Variants in CDH13 observed in about 807,000 individuals in gnomAD.
The protein encoded by CDH13 is cadherin 13, also known as cadherin-13.
Under a neutral mutation model 63.8 loss-of-function variants are expected in CDH13, and 24 were observed. The observed-to-expected ratio is 0.38, with a 90% confidence interval of 0.27 to 0.53. CDH13 has a LOEUF of 0.53. Ranked by LOEUF, CDH13 falls within the 20% of genes least tolerant of loss-of-function variation. CDH13 has a pLI of 0.85. For synonymous variants in CDH13, 503 were observed against 355.3 expected, an observed-to-expected ratio of 1.42 and a Z score of -4.67; for missense variants, 1,049 against 903.1, an observed-to-expected ratio of 1.16 and a Z score of -2.07.
intron 7 of CDH13, among the ~76,000 whole-genome samples, 151 bp downstream of exon 7, chr16:83,486,806 A>G (rs2073900758): frequency 6.6e-6 from 1 of 152,188 alleles, no homozygotes; most frequent in South Asian, 2.1e-4. Context: ...AAATCTATAA[A>G]GGGAAATGGG....
chr16:83,033,781 C>T (rs4536462), intron 3 of CDH13, among the ~76,000 whole-genome samples: 8 of 152,286 alleles, frequency 5.3e-5, no homozygotes, highest in African/African-American at 9.6e-5. Flanking sequence ...ACTCCACCTT[C>T]GTGAGAAAAG....
intron 7 of CDH13, among the ~76,000 whole-genome samples, chr16:83,553,233 G>A (rs373783687): frequency 3.3e-5 from 5 of 152,316 alleles, no homozygotes; most frequent in African/African-American, 1.2e-4. Flanking sequence ...AATTATCCAT[G>A]ATTGGGATGT....
At chr16:83,031,361 T>G (rs1916315472) in intron 2 of CDH13, among the ~76,000 whole-genome samples, 2 of 113,888 alleles carry the variant, frequency 1.8e-5, no homozygotes, top group Non-Finnish European at 3.7e-5. Context: ...GGTATATACA[T>G]GTACATGTAT....
chr16:83,455,541 C>A (rs12445889), intron 6 of CDH13, among the ~76,000 whole-genome samples: 1 of 152,038 alleles, frequency 6.6e-6, no homozygotes, highest in South Asian at 2.1e-4. Flanking sequence ...TGTATTCCCA[C>A]GCAGGAGCTT....
intron 2 of CDH13, among the ~76,000 whole-genome samples, chr16:82,927,459 T>C (rs1420970329): frequency 3.9e-5 from 6 of 152,198 alleles, no homozygotes; most frequent in Admixed American, 3.9e-4. Context: ...TGAAGTAATA[T>C]AAGGATACCT....
At chr16:83,244,727 A>T (rs765321829) in intron 5 of CDH13, among the ~76,000 whole-genome samples, 6 of 152,174 alleles carry the variant, frequency 3.9e-5, no homozygotes, top group Non-Finnish European at 7.3e-5. Context: ...GCAATGACCA[A>T]CAGAAACCAG....
chr16:83,778,331 A>T (rs761657829), intron 11 of CDH13, among the ~76,000 whole-genome samples: 1 of 152,216 alleles, frequency 6.6e-6, no homozygotes, highest in Non-Finnish European at 1.5e-5. Flanking sequence ...GGCGTTTGAG[A>T]CCAGACTGAC....
intron 1 of CDH13, among the ~76,000 whole-genome samples, chr16:82,683,358 G>A (rs1423623458): frequency 6.6e-6 from 1 of 152,134 alleles, no homozygotes; most frequent in Non-Finnish European, 1.5e-5. Flanking sequence ...GCCTGTTCTT[G>A]CCTTGTATAT....
intron 10 of CDH13, among the ~76,000 whole-genome samples, chr16:83,731,006 A>G (rs1409543165): frequency 6.6e-6 from 1 of 152,224 alleles, no homozygotes; most frequent in Non-Finnish European, 1.5e-5. Context: ...ATCCTTTTTC[A>G]CAGCTGCATA....
intron 1 of CDH13, among the ~76,000 whole-genome samples, chr16:82,796,782 C>T (rs933439467): frequency 1.3e-5 from 2 of 152,130 alleles, no homozygotes; most frequent in African/African-American, 2.4e-5. Context: ...ATGGGAGATC[C>T]CAGAGGAAGG....
chr16:82,950,471 G>A (rs1403724258), intron 2 of CDH13, among the ~76,000 whole-genome samples: 1 of 152,118 alleles, frequency 6.6e-6, no homozygotes, highest in Non-Finnish European at 1.5e-5. Flanking sequence ...CTACCATACT[G>A]TTCTTGTGGT....
At chr16:82,929,991 C>T (rs1345737534) in intron 2 of CDH13, among the ~76,000 whole-genome samples, 1 of 149,150 alleles carries the variant, frequency 6.7e-6, no homozygotes, top group Admixed American at 6.7e-5. Context: ...TCATATTCCA[C>T]AAGGGAAATC....
chr16:82,849,915 G>T (rs2039413753), intron 1 of CDH13, among the ~76,000 whole-genome samples: 1 of 152,202 alleles, frequency 6.6e-6, no homozygotes, highest in Non-Finnish European at 1.5e-5. Context: ...ATTGAGAACT[G>T]CTGCTCAGAA....
chr16:83,466,761 G>A (rs528770769), intron 6 of CDH13, among the ~76,000 whole-genome samples: 1 of 152,156 alleles, frequency 6.6e-6, no homozygotes, highest in African/African-American at 2.4e-5. Flanking sequence ...CATCCCAAGG[G>A]TATGCTTAAG....
chr16:83,034,351 G>A (rs1193160005), intron 3 of CDH13, among the ~76,000 whole-genome samples: 1 of 152,130 alleles, frequency 6.6e-6, no homozygotes, highest in African/African-American at 2.4e-5. Context: ...GAAGCTGTGA[G>A]TTAAGGATAG....
At chr16:82,795,539 C>T (rs2036538731) in intron 1 of CDH13, among the ~76,000 whole-genome samples, 1 of 152,182 alleles carries the variant, frequency 6.6e-6, no homozygotes, top group Non-Finnish European at 1.5e-5. Flanking sequence ...ATGGAATGCT[C>T]AGTCAACCCT....
intron 1 of CDH13, among the ~76,000 whole-genome samples, chr16:82,782,916 C>T (rs1385091924): frequency 6.6e-6 from 1 of 152,146 alleles, no homozygotes; most frequent in Non-Finnish European, 1.5e-5. Flanking sequence ...TGAAATGCAA[C>T]AGCTGTTACT....
At chr16:82,730,967 A>G (rs935771918) in intron 1 of CDH13, among the ~76,000 whole-genome samples, 29 of 152,236 alleles carry the variant, frequency 1.9e-4, no homozygotes, top group African/African-American at 7.0e-4. Context: ...TGATTATTTT[A>G]CTACATTTTA....
At chr16:82,883,466 C>G (rs2040775647) in intron 2 of CDH13, among the ~76,000 whole-genome samples, 2 of 152,196 alleles carry the variant, frequency 1.3e-5, no homozygotes, top group African/African-American at 4.8e-5. Context: ...TATGATCAGG[C>G]TGGAACACAG....
Sources: allele counts gnomAD v4.1 joint callset (sites outside exome capture counted in the v4.1 genomes callset), GRCh38; gene constraint gnomAD v4.1.1; transcripts MANE v1.5; gene names NCBI Gene and HGNC (gene_info 2026-07-23, HGNC 2026-07-21).